The following CNBD1 variants were observed in gnomAD, a reference collection of about 807,000 sequenced individuals.
CNBD1 encodes the protein cyclic nucleotide binding domain containing 1.
CNBD1 carries 71 observed loss-of-function variants against 54.4 expected under a neutral mutation model. The ratio of observed to expected loss-of-function variants is 1.30; its 90% CI spans 1.08 to 1.59. The LOEUF (loss-of-function observed/expected upper bound fraction) is 1.59. Ranked by LOEUF, CNBD1 falls within the 40% of genes most tolerant of loss-of-function variation. The pLI, the probability that CNBD1 is intolerant of heterozygous loss-of-function variation, is 0.00. For missense variants in CNBD1, 659 were observed against 518.0 expected (o/e 1.27, Z -2.64); for synonymous variants, 182 against 170.7 (o/e 1.07, Z -0.51).
chr8:87,346,130 C>G (rs1204707732), intron 8 of CNBD1, among the ~76,000 whole-genome samples: 1 of 152,048 alleles, frequency 6.6e-6, no homozygotes. Context: ...CAGCCTCTGC[C>G]TCCCTGATTT....
chr8:87,011,180 G>GT (rs200701648), intron 4 of CNBD1, among the ~76,000 whole-genome samples: 3,180 of 128,650 alleles, frequency 0.025, 101 homozygotes, highest in African/African-American at 0.075. Flanking sequence ...TTAGAGTTTG[G>GT]TTTTTTTTTT....
chr8:87,261,215 C>T (rs926389791), intron 6 of CNBD1, among the ~76,000 whole-genome samples: 2 of 152,028 alleles, frequency 1.3e-5, no homozygotes, highest in African/African-American at 4.8e-5. Context: ...ACTCAGAGAG[C>T]TCAAAACACA....
At chr8:87,276,650 C>G (rs765325916) in intron 6 of CNBD1, among the ~76,000 whole-genome samples, 3 of 151,776 alleles carry the variant, frequency 2.0e-5, no homozygotes, top group Non-Finnish European at 4.4e-5. Flanking sequence ...CTGAGAACAA[C>G]TATAAAAGCT....
intron 4 of CNBD1, among the ~76,000 whole-genome samples, chr8:87,194,742 C>T (rs1813679248): frequency 6.6e-6 from 1 of 152,012 alleles, no homozygotes; most frequent in Admixed American, 6.6e-5. Flanking sequence ...CTGTAGTTCA[C>T]TAATTTATCC....
chr8:87,217,050 C>T (rs1814227815), intron 5 of CNBD1, among the ~76,000 whole-genome samples: 2 of 152,076 alleles, frequency 1.3e-5, no homozygotes, highest in South Asian at 4.1e-4. Context: ...TTTTATGGCA[C>T]TGGCCTGAAT....
At chr8:87,133,672 A>T (rs1214800793) in intron 4 of CNBD1, among the ~76,000 whole-genome samples, 1 of 150,632 alleles carries the variant, frequency 6.6e-6, no homozygotes, top group Non-Finnish European at 1.5e-5. Context: ...CTTCTTATTG[A>T]TTGTTATACA....
At chr8:87,403,121 A>T (rs919015500) in intron 2 of CNBD1, among the ~76,000 whole-genome samples, 12 of 109,016 alleles carry the variant, frequency 1.1e-4, no homozygotes, top group South Asian at 7.2e-4. Context: ...AAGCACCAAC[A>T]TAGAAAATAA....
At chr8:87,106,946 A>G (rs893821986) in intron 4 of CNBD1, among the ~76,000 whole-genome samples, 7 of 151,984 alleles carry the variant, frequency 4.6e-5, no homozygotes, top group African/African-American at 1.7e-4. Flanking sequence ...TCTCTGCCTC[A>G]ACCTCCCGAG....
chr8:87,331,514 A>T (rs1308475813), intron 8 of CNBD1, among the ~76,000 whole-genome samples: 1 of 152,192 alleles, frequency 6.6e-6, no homozygotes, highest in Non-Finnish European at 1.5e-5. Context: ...ATAGTGCTGC[A>T]ATAAACATAT....
At chr8:87,307,748 T>TTATATATA (rs35262193) in intron 8 of CNBD1, among the ~76,000 whole-genome samples, 24,709 of 137,330 alleles carry the variant, frequency 0.18, 2,587 homozygotes, top group Middle Eastern at 0.27. Flanking sequence ...AAAAAAAAAA[T>TTATATATA]TATATATATA....
chr8:87,129,683 T>C (rs1036659615), intron 4 of CNBD1, among the ~76,000 whole-genome samples: 1 of 152,206 alleles, frequency 6.6e-6, no homozygotes, highest in Non-Finnish European at 1.5e-5. Flanking sequence ...TTTAAAGATA[T>C]CTATTTCTTT....
At chr8:87,396,924 T>A (rs1013159872) in intron 2 of CNBD1, among the ~76,000 whole-genome samples, 4 of 149,866 alleles carry the variant, frequency 2.7e-5, no homozygotes, top group Admixed American at 6.7e-5. Context: ...CTTTAAATCA[T>A]CTGGAACTTC....
chr8:87,273,957 T>C (rs1465371083), intron 6 of CNBD1, among the ~76,000 whole-genome samples: 6 of 132,994 alleles, frequency 4.5e-5, no homozygotes, highest in African/African-American at 1.7e-4. Context: ...AGAGTGATGT[T>C]CCCCTTCCTG....
chr8:87,029,656 C>A (rs139964345), intron 4 of CNBD1, among the ~76,000 whole-genome samples: 1 of 151,314 alleles, frequency 6.6e-6, no homozygotes, highest in Non-Finnish European at 1.5e-5. Flanking sequence ...TTATGAGAGA[C>A]GAGAGGAGGA....
chr8:87,193,866 A>G (rs1248085189), intron 4 of CNBD1, among the ~76,000 whole-genome samples: 1 of 152,202 alleles, frequency 6.6e-6, no homozygotes, highest in Non-Finnish European at 1.5e-5. Context: ...GTAATTTAGA[A>G]TAAGAGTTTA....
chr8:87,421,787 C>T (rs1180325597), intron 2 of CNBD1, among the ~76,000 whole-genome samples: 16 of 144,918 alleles, frequency 1.1e-4, no homozygotes, highest in African/African-American at 1.3e-4. Context: ...TGGGTATATA[C>T]CCAGTAATGG....
chr8:86,867,635 C>G (rs1808384011), intron 1 of CNBD1, among the ~76,000 whole-genome samples: 1 of 152,092 alleles, frequency 6.6e-6, no homozygotes. Flanking sequence ...TCAAAGTTTT[C>G]TATTTCTACT....
intron 2 of CNBD1, among the ~76,000 whole-genome samples, chr8:86,895,888 A>G (rs1808841031): frequency 6.6e-6 from 1 of 152,122 alleles, no homozygotes; most frequent in Non-Finnish European, 1.5e-5. Flanking sequence ...TACTATTTCT[A>G]TGTCATTTCT....
At chr8:87,242,983 C>T (rs1807735854) in intron 6 of CNBD1, among the ~76,000 whole-genome samples, 2 of 152,164 alleles carry the variant, frequency 1.3e-5, no homozygotes, top group African/African-American at 4.8e-5. Flanking sequence ...AATCAACCTG[C>T]TGCCAGTATG....
Sources: gnomAD v4.1 joint callset for allele counts (sites outside exome capture counted in the v4.1 genomes callset) on GRCh38, gnomAD v4.1.1 for gene constraint, MANE v1.5 for transcripts, NCBI Gene and HGNC (gene_info 2026-07-23, HGNC 2026-07-21) for gene names.